The following CAB39 variants were observed in gnomAD, a reference collection of about 807,000 sequenced individuals.
CAB39 encodes the protein calcium-binding protein 39.
In CAB39, 8 loss-of-function variants were observed where a neutral mutation model predicts 40.0. The ratio of observed to expected loss-of-function variants is 0.20; its 90% CI spans 0.12 to 0.36. The LOEUF is 0.36. Ranked by LOEUF, CAB39 falls within the 10% of genes least tolerant of loss-of-function variation. CAB39 has a pLI of 1.00. For missense variants in CAB39, 270 were observed against 401.1 expected (o/e 0.67, Z 2.79); for synonymous variants, 156 against 141.6 (o/e 1.10, Z -0.72).
At chr2:230,814,181 A>AG in intron 7 of CAB39, 67 bp downstream of exon 7, 3 of 805,144 alleles carry the variant, frequency 3.7e-6, no homozygotes, top group Admixed American at 2.4e-5. Context: ...ATTTGGGGAA[A>AG]GGGAGATGTG....
intron 1 of CAB39, among the ~76,000 whole-genome samples, chr2:230,746,298 G>A (rs2124898160): frequency 6.6e-6 from 1 of 152,296 alleles, no homozygotes; most frequent in East Asian, 1.9e-4. Flanking sequence ...AGGGTGCAGG[G>A]TGGTTTCATG....
intron 1 of CAB39, among the ~76,000 whole-genome samples, chr2:230,743,552 A>G (rs1223329959): frequency 1.3e-5 from 2 of 152,266 alleles, no homozygotes; most frequent in Non-Finnish European, 2.9e-5. Context: ...GCCAAGCTAC[A>G]TTAATATAGA....
intron 2 of CAB39, among the ~76,000 whole-genome samples, chr2:230,764,050 A>C (rs1242229844): frequency 6.6e-6 from 1 of 152,060 alleles, no homozygotes; most frequent in Non-Finnish European, 1.5e-5. Context: ...TGAACGGAGG[A>C]GGCAGAGGTT....
At chr2:230,726,190 T>C (rs1443034158) in intron 1 of CAB39, among the ~76,000 whole-genome samples, 3 of 151,886 alleles carry the variant, frequency 2.0e-5, no homozygotes, top group Non-Finnish European at 4.4e-5. Flanking sequence ...TTAGACGGAG[T>C]CTCTCTCTGT....
intron 2 of CAB39, among the ~76,000 whole-genome samples, chr2:230,774,468 A>G (rs528345772): frequency 6.6e-6 from 1 of 151,466 alleles, no homozygotes; most frequent in Admixed American, 6.6e-5. Flanking sequence ...TTAGGTAACT[A>G]GGGGCAGGGG....
chr2:230,817,652 A>C (rs1696425641), intron 7 of CAB39, 102 bp from the exon 8 acceptor site: 1 of 895,420 alleles, frequency 1.1e-6, no homozygotes. Context: ...TTGAGTGCCT[A>C]CTAATACTCT....
intron 1 of CAB39, among the ~76,000 whole-genome samples, chr2:230,723,446 A>G (rs188286270): frequency 1.3e-5 from 2 of 152,302 alleles, no homozygotes; most frequent in African/African-American, 4.8e-5. Flanking sequence ...CTCTGATTCA[A>G]CATTCTTGCC....
intron 1 of CAB39, among the ~76,000 whole-genome samples, chr2:230,756,572 TAA>T (rs1375933607): frequency 6.6e-6 from 1 of 152,224 alleles, no homozygotes; most frequent in Non-Finnish European, 1.5e-5. Context: ...GTAATTTTAT[TAA>T]GAGTTGATGA....
intron 5 of CAB39, among the ~76,000 whole-genome samples, chr2:230,807,054 A>G (rs1316625929): frequency 6.6e-6 from 1 of 152,144 alleles, no homozygotes; most frequent in Admixed American, 6.5e-5. Flanking sequence ...GGCCTGGCAT[A>G]GACTGGAATT....
chr2:230,733,012 A>T (rs1257294856), intron 1 of CAB39, among the ~76,000 whole-genome samples: 4 of 152,192 alleles, frequency 2.6e-5, no homozygotes, highest in Non-Finnish European at 5.9e-5. Flanking sequence ...ACTAACAAAT[A>T]TTTATGTGCA....
chr2:230,809,768 T>C (rs113183067), intron 5 of CAB39, among the ~76,000 whole-genome samples: 3 of 152,224 alleles, frequency 2.0e-5, no homozygotes, highest in Non-Finnish European at 4.4e-5. Context: ...AAATTTGCGT[T>C]AGCTATGAAC....
intron 1 of CAB39, among the ~76,000 whole-genome samples, chr2:230,727,219 A>T (rs1028485211): frequency 2.7e-5 from 4 of 150,218 alleles, no homozygotes; most frequent in African/African-American, 9.8e-5. Flanking sequence ...ATTTAATAAT[A>T]TATGTAAATA....
In CAB39 at chr2:230,735,316, G is replaced by C. The variant is rs139707651; in HGVS notation, c.-44+22086G>C. On this transcript the variant is annotated intron_variant, in intron 1 of 8. Coordinates refer to ENST00000258418, the MANE Select transcript of CAB39 (RefSeq NM_016289.4). ...TGAGCAGCTGGGATTACAGGCACTT[G>C]CCACCACGCCTGGCTTATTTTTGTA... 8.2e-3 allele frequency among the ~76,000 whole-genome samples: 1,244 copies of C among 151,710 alleles called. 9 individuals carry two copies. The highest frequency in any genetic ancestry group is 0.024 in the African/African-American group (985 of 41,322).
intron 2 of CAB39, among the ~76,000 whole-genome samples, chr2:230,778,390 G>A (rs1028131139): frequency 1.3e-5 from 2 of 152,180 alleles, no homozygotes; most frequent in Non-Finnish European, 2.9e-5. Context: ...GCACTAATGG[G>A]TATGTGAGCT....
At chr2:230,721,995 A>G (rs1575897803) in intron 1 of CAB39, among the ~76,000 whole-genome samples, 1 of 151,178 alleles carries the variant, frequency 6.6e-6, no homozygotes, top group African/African-American at 2.4e-5. Flanking sequence ...TCGGATGATA[A>G]TTTTTTGTCA....
At chr2:230,720,658 G>A (rs1694433082) in intron 1 of CAB39, among the ~76,000 whole-genome samples, 1 of 152,160 alleles carries the variant, frequency 6.6e-6, no homozygotes, top group African/African-American at 2.4e-5. Flanking sequence ...CTGACCTTGT[G>A]ATCCGCCCAC....
rs13385736 is a variant in CAB39, at chr2:230,728,112, G to A, written c.-44+14882G>A. ...AAATTAGCTGGGTGTGGTGGCGCAC[G>A]CCTGTAGTCCCAGCTACTCGGCGGC... is the stretch of plus-strand genomic sequence containing the variant. On this transcript the variant is annotated intron_variant, in intron 1 of 8. Transcript: ENST00000258418. 2.2e-3 allele frequency among the ~76,000 whole-genome samples: 337 copies of A among 152,212 alleles called. 1 individual carries two copies. Among genetic ancestry groups the A allele is most frequent in the African/African-American group, 7.9e-3 (327 of 41,536 alleles).
At chr2:230,773,294 ATG>A (rs35804272) in intron 2 of CAB39, among the ~76,000 whole-genome samples, 17 of 132,134 alleles carry the variant, frequency 1.3e-4, no homozygotes, top group African/African-American at 2.4e-4. Flanking sequence ...TCATGGGTGT[ATG>A]TGTATATATA....
At chr2:230,775,904 G>A (rs1402473685) in intron 2 of CAB39, among the ~76,000 whole-genome samples, 3 of 151,632 alleles carry the variant, frequency 2.0e-5, no homozygotes, top group Non-Finnish European at 4.4e-5. Flanking sequence ...TAATATAGAG[G>A]GACTTGGGGG....
Sources: allele counts gnomAD v4.1 joint callset (sites outside exome capture counted in the v4.1 genomes callset), GRCh38; gene constraint gnomAD v4.1.1; transcripts MANE v1.5; gene names NCBI Gene and HGNC (gene_info 2026-07-23, HGNC 2026-07-21).